TRPM6: variants seen among roughly 807,000 people sequenced by gnomAD.
The protein encoded by TRPM6 is channel kinase 2.
TRPM6 carries 111 observed loss-of-function variants against 247.6 expected under a neutral mutation model. That is an observed-to-expected ratio of 0.45 (90% CI 0.38 to 0.52). The LOEUF (loss-of-function observed/expected upper bound fraction) is 0.52, where lower values mean the gene tolerates loss of function less well. Among genes scored for constraint, TRPM6 ranks in the 20% least tolerant of loss-of-function variants. The pLI, the probability that TRPM6 is intolerant of heterozygous loss-of-function variation, is 0.00. For synonymous variants in TRPM6, 892 were observed against 853.8 expected (o/e 1.04, Z -0.78); for missense variants, 2,126 against 2,421.5 (o/e 0.88, Z 2.56).
chr9:74,836,951 C>T (rs1829745071), intron 5 of TRPM6, among the ~76,000 whole-genome samples: 1 of 152,202 alleles, frequency 6.6e-6, no homozygotes, highest in African/African-American at 2.4e-5. Context: ...GAATTCATGT[C>T]CGTCTTCCTT....
At position 74,775,712 on chromosome 9, in the gene TRPM6, ATAATGAGGT is replaced by A. The variant is rs140594490; in HGVS notation, c.3403+162_3403+170del. Among the ~76,000 whole-genome samples, 368 of 152,340 alleles carry A rather than the reference ATAATGAGGT, an allele frequency of 2.4e-3. 7 individuals are homozygous for A. The East Asian group carries it at 0.052, about 21-fold the overall frequency. The stretch of plus-strand genomic sequence containing the variant: ...TCTTGGCAAAAGGCACTGCGACCTC[ATAATGAGGT>A]CAATATATTTACTCAGACCCAGAGC... On this transcript the variant is annotated intron_variant, in intron 24 of 38. Transcript: ENST00000360774.
intron 23 of TRPM6, among the ~76,000 whole-genome samples, chr9:74,779,748 C>A (rs536393520): frequency 1.3e-5 from 2 of 152,220 alleles, no homozygotes; most frequent in African/African-American, 2.4e-5. Flanking sequence ...GTGGCCCATA[C>A]TGGTAGCTGC....
At chr9:74,844,887 T>G (rs1830058629) in intron 3 of TRPM6, among the ~76,000 whole-genome samples, 1 of 152,226 alleles carries the variant, frequency 6.6e-6, no homozygotes, top group African/African-American at 2.4e-5. Flanking sequence ...ACTCTTTATT[T>G]CATTTTGTTT....
Position 74,841,004 on chromosome 9 carries a change from TTG to T in TRPM6, c.331-769_331-768del, listed in dbSNP as rs762887611. 5.3e-5 allele frequency among the ~76,000 whole-genome samples: 8 copies of T among 152,262 alleles called. No individual in the cohort carries two copies. In the East Asian group the frequency reaches 1.5e-3, roughly 29 times the overall value. On this transcript the variant is annotated intron_variant, in intron 4 of 38. Transcript: ENST00000360774. ...CTGTTTACTTAATCATTTCACAGAT[TTG>T]CATAATTTAAATTAAGATTCTAGAG...
chr9:74,791,824 C>T (rs918952783), intron 19 of TRPM6, among the ~76,000 whole-genome samples: 5 of 152,044 alleles, frequency 3.3e-5, no homozygotes, highest in African/African-American at 1.2e-4. Context: ...GGCGCAATCT[C>T]GGCTCACTGC....
chr9:74,856,115 T>C (rs764581740), intron 2 of TRPM6, among the ~76,000 whole-genome samples: 1 of 152,152 alleles, frequency 6.6e-6, no homozygotes, highest in Non-Finnish European at 1.5e-5. Context: ...AAGAACCTTA[T>C]AGATTTAGGG....
At position 74,887,868 on chromosome 9, in the gene TRPM6, A is replaced by T; in HGVS notation, c.-12T>A. ...GGTTGTTCTTTCATCTTTGATTTGC[A>T]GGCCCTGCTCCCAAAGCCCTGTCTG... On this transcript the variant is annotated 5_prime_UTR_variant, in exon 1 of 39. Coordinates refer to ENST00000360774, the MANE Select transcript of TRPM6 (RefSeq NM_017662.5). 1 of 1,614,066 alleles carries T rather than the reference A, an allele frequency of 6.2e-7. No individual in the cohort carries two copies. Among genetic ancestry groups the T allele is most frequent in the Non-Finnish European group, 8.5e-7 (1 of 1,180,044 alleles).
intron 20 of TRPM6, 99 bp from the exon 21 acceptor site, chr9:74,786,224 A>T: frequency 7.3e-7 from 1 of 1,362,470 alleles, no homozygotes; most frequent in African/African-American, 1.4e-5. Context: ...TGAAAGAGTA[A>T]TCTAAAACCT....
chr9:74,825,873 C>T (rs1829313878), intron 7 of TRPM6, among the ~76,000 whole-genome samples: 1 of 152,064 alleles, frequency 6.6e-6, no homozygotes, highest in Non-Finnish European at 1.5e-5. Context: ...CTTCAAGGTC[C>T]TTCTCTGACC....
chr9:74,820,480 C>T (rs1829099478), intron 8 of TRPM6, 53 bp from the exon 9 acceptor site: 2 of 1,610,626 alleles, frequency 1.2e-6, no homozygotes, highest in South Asian at 1.1e-5. Flanking sequence ...AATGAGCCGG[C>T]AACATCAGTA....
At chr9:74,841,862 C>T (rs539603473) in intron 4 of TRPM6, among the ~76,000 whole-genome samples, 15 of 152,212 alleles carry the variant, frequency 9.9e-5, no homozygotes, top group African/African-American at 2.6e-4. Flanking sequence ...AATTTCTGAA[C>T]ATCAGGAACG....
At chr9:74,817,748 G>A (rs1174168572) in intron 9 of TRPM6, among the ~76,000 whole-genome samples, 2 of 151,818 alleles carry the variant, frequency 1.3e-5, no homozygotes, top group African/African-American at 2.4e-5. Flanking sequence ...AAAGGGGGGG[G>A]GAGTCACCTG....
chr9:74,757,774 A>G (rs1334554968), intron 27 of TRPM6, among the ~76,000 whole-genome samples: 1 of 151,718 alleles, frequency 6.6e-6, no homozygotes, highest in Non-Finnish European at 1.5e-5. Flanking sequence ...TTAGCCAGGC[A>G]TGGTGGTGGG....
chr9:74,769,529 G>C (rs933530739), intron 25 of TRPM6, among the ~76,000 whole-genome samples: 3 of 152,002 alleles, frequency 2.0e-5, no homozygotes, highest in South Asian at 2.1e-4. Context: ...GAGGTCGAGG[G>C]GGGCGGATCA....
chr9:74,782,856 G>T lies in TRPM6; in HGVS notation c.2920-3C>A. On this transcript the variant is annotated splice_polypyrimidine_tract_variant and splice_region_variant and intron_variant, in intron 21 of 38. Coordinates refer to ENST00000360774, the MANE Select transcript of TRPM6 (RefSeq NM_017662.5). ...ACAATATAGAACATGTTTGCTGTCT[G>T]CAAAAGAGCATAGTACAACCAGAAT... is the stretch of plus-strand genomic sequence containing the variant. The T allele has an allele frequency of 6.2e-7, 1 of 1,613,938 alleles. No individual in the cohort carries two copies. The highest frequency in any genetic ancestry group is 2.2e-5 in the East Asian group (1 of 44,878).
At chr9:74,884,611 G>A (rs1233190119) in intron 1 of TRPM6, among the ~76,000 whole-genome samples, 1 of 152,066 alleles carries the variant, frequency 6.6e-6, no homozygotes, top group East Asian at 1.9e-4. Flanking sequence ...GGTCAGAGGG[G>A]GAGTAGTTGA....
Position 74,763,095 on chromosome 9 carries a change from T to C in TRPM6, c.3576A>G (p.Glu1192=), listed in dbSNP as rs1826708892. 2 of 1,613,604 alleles carry C rather than the reference T, an allele frequency of 1.2e-6. No individual in the cohort carries two copies. The highest frequency in any genetic ancestry group is 1.7e-6 in the Non-Finnish European group (2 of 1,180,004). Residue 1192 remains glutamate (E), a synonymous_variant, in exon 26 of 39, where the codon GAA becomes GAG. Transcript: ENST00000360774. ...EMYFQLKEMN[E]KVSFIKDSLL... is the part of the protein sequence containing the mutation. ...AGGAGTCCTTTATAAAAGACACCTT[T>C]TCATTCATTTCTTTCAGCTGGAAGT... is the stretch of plus-strand genomic sequence containing the variant.
At chr9:74,733,786 G>A (rs1228118964) in intron 36 of TRPM6, among the ~76,000 whole-genome samples, 3 of 151,950 alleles carry the variant, frequency 2.0e-5, no homozygotes, top group African/African-American at 4.8e-5. Flanking sequence ...TCCATCTCCC[G>A]ACCTTAGATG....
At chr9:74,886,197 G>A (rs1196044362) in intron 1 of TRPM6, among the ~76,000 whole-genome samples, 3 of 152,130 alleles carry the variant, frequency 2.0e-5, no homozygotes, top group Non-Finnish European at 1.5e-5. Flanking sequence ...CTAGTCTCCA[G>A]TTTTGGCCCA....
Sources: gnomAD v4.1 joint callset for allele counts (sites outside exome capture counted in the v4.1 genomes callset) on GRCh38, gnomAD v4.1.1 for gene constraint, MANE v1.5 for transcripts, NCBI Gene and HGNC (gene_info 2026-07-23, HGNC 2026-07-21) for gene names.